Variants in ZMAT4 observed in about 807,000 individuals in gnomAD.
ZMAT4 encodes the protein zinc finger matrin-type protein 4.
Under a neutral mutation model 28.7 loss-of-function variants are expected in ZMAT4, and 17 were observed. The ratio of observed to expected loss-of-function variants is 0.59; its 90% CI spans 0.41 to 0.89. The LOEUF is 0.89. Among genes scored for constraint, ZMAT4 ranks in the 40% least tolerant of loss-of-function variants. The pLI is 0.00. For synonymous variants in ZMAT4, 117 were observed against 109.2 expected (o/e 1.07, Z -0.44); for missense variants, 240 against 283.8 (o/e 0.85, Z 1.11).
chr8:40,757,721 G>T (rs1474706876), intron 3 of ZMAT4, among the ~76,000 whole-genome samples: 1 of 152,076 alleles, frequency 6.6e-6, no homozygotes, highest in African/African-American at 2.4e-5. Context: ...TACCTCTTGC[G>T]ATGGTTAATA....
intron 5 of ZMAT4, among the ~76,000 whole-genome samples, chr8:40,616,123 G>A (rs1298058199): frequency 3.3e-5 from 5 of 152,288 alleles, no homozygotes; most frequent in African/African-American, 1.2e-4. Context: ...GCAGTCAACA[G>A]ACGCATGAAA....
At chr8:40,553,935 T>A (rs1803443756) in intron 6 of ZMAT4, among the ~76,000 whole-genome samples, 1 of 152,198 alleles carries the variant, frequency 6.6e-6, no homozygotes, top group African/African-American at 2.4e-5. Flanking sequence ...CAGCTCTTGA[T>A]AACATCAGTT....
At chr8:40,798,876 A>G (rs1451809310) in intron 2 of ZMAT4, among the ~76,000 whole-genome samples, 1 of 151,042 alleles carries the variant, frequency 6.6e-6, no homozygotes, top group Non-Finnish European at 1.5e-5. Context: ...CTCTACTCCA[A>G]GTTTTTGAAC....
At chr8:40,890,823 T>A (rs1388666932) in intron 1 of ZMAT4, among the ~76,000 whole-genome samples, 1 of 151,962 alleles carries the variant, frequency 6.6e-6, no homozygotes, top group Admixed American at 6.5e-5. Flanking sequence ...AATCATGCGC[T>A]GGATGGAGTT....
At chr8:40,843,755 TGC>T (rs1480770944) in intron 1 of ZMAT4, among the ~76,000 whole-genome samples, 1 of 152,184 alleles carries the variant, frequency 6.6e-6, no homozygotes, top group East Asian at 1.9e-4. Flanking sequence ...GCAGAATGTG[TGC>T]ATGCAAGTCA....
chr8:40,726,839 G>A (rs1811334189), intron 3 of ZMAT4, among the ~76,000 whole-genome samples: 2 of 152,246 alleles, frequency 1.3e-5, no homozygotes, highest in Admixed American at 1.3e-4. Context: ...GAAGAACTTT[G>A]CCAACTCTCT....
intron 6 of ZMAT4, among the ~76,000 whole-genome samples, chr8:40,561,376 T>C (rs992847689): frequency 6.6e-6 from 1 of 152,106 alleles, no homozygotes; most frequent in African/African-American, 2.4e-5. Flanking sequence ...CTGCACAGCG[T>C]TTCTTATAAT....
In ZMAT4 at chr8:40,825,616, CA is replaced by C; in HGVS notation, c.60del (p.Ser20ArgfsTer4). The C allele has an allele frequency of 6.4e-7, 1 of 1,554,958 alleles. No individual in the cohort carries two copies. The highest frequency in any genetic ancestry group is 2.4e-5 in the East Asian group (1 of 41,782). On this transcript the variant is annotated frameshift_variant, in exon 2 of 7. Transcript: ENST00000297737. LOFTEE classifies it high-confidence loss of function. The stretch of plus-strand genomic sequence containing the variant: ...CGCTGCGATTCGGAGATCAGCTGTG[CA>C]CTGCACACCTTGCAGTAACTGTCTG... The part of the protein sequence containing the change: ...LFTDSYCKVC[S>X]AQLISESQRV...
intron 1 of ZMAT4, among the ~76,000 whole-genome samples, chr8:40,855,249 T>C (rs1185810694): frequency 6.6e-6 from 1 of 152,182 alleles, no homozygotes. Flanking sequence ...GCTGTGGTTT[T>C]ACCCTGCAGA....
chr8:40,647,538 A>C (rs1807391902), intron 5 of ZMAT4, among the ~76,000 whole-genome samples: 1 of 152,156 alleles, frequency 6.6e-6, no homozygotes, highest in Non-Finnish European at 1.5e-5. Flanking sequence ...TAGGTAAACA[A>C]AGCAGCTGGG....
At chr8:40,639,840 G>A (rs2118757538) in intron 5 of ZMAT4, among the ~76,000 whole-genome samples, 1 of 151,754 alleles carries the variant, frequency 6.6e-6, no homozygotes, top group East Asian at 1.9e-4. Flanking sequence ...ATTATACAGT[G>A]GAAAGATCTA....
At chr8:40,804,180 C>A (rs939740087) in intron 2 of ZMAT4, among the ~76,000 whole-genome samples, 2 of 152,068 alleles carry the variant, frequency 1.3e-5, no homozygotes, top group Non-Finnish European at 2.9e-5. Flanking sequence ...TACATTTGTC[C>A]AAACCCATAG....
chr8:40,547,023 C>T (rs1309230864), intron 6 of ZMAT4, among the ~76,000 whole-genome samples: 1 of 152,162 alleles, frequency 6.6e-6, no homozygotes, highest in Non-Finnish European at 1.5e-5. Flanking sequence ...TAAAGAGTGA[C>T]ATTTCTTAAG....
At chr8:40,881,141 G>T (rs951470064) in intron 1 of ZMAT4, among the ~76,000 whole-genome samples, 5 of 152,106 alleles carry the variant, frequency 3.3e-5, no homozygotes, top group African/African-American at 4.8e-5. Context: ...GCTTTGAGAG[G>T]CCGAACTGGG....
intron 4 of ZMAT4, among the ~76,000 whole-genome samples, chr8:40,686,807 C>T (rs1176778936): frequency 1.3e-5 from 2 of 152,080 alleles, no homozygotes; most frequent in African/African-American, 4.8e-5. Context: ...GCCAGTGGTT[C>T]AATTTCACAA....
chr8:40,641,700 T>TA, intron 5 of ZMAT4, among the ~76,000 whole-genome samples: 1 of 152,220 alleles, frequency 6.6e-6, no homozygotes, highest in East Asian at 1.9e-4. Flanking sequence ...TTAATTGTGA[T>TA]AAAAGCACTT....
chr8:40,687,251 G>A (rs543257729), intron 4 of ZMAT4, among the ~76,000 whole-genome samples: 1 of 152,302 alleles, frequency 6.6e-6, no homozygotes, highest in South Asian at 2.1e-4. Context: ...GAAGGTGACA[G>A]AATTTGGGCT....
At chr8:40,556,349 T>C (rs1419452494) in intron 6 of ZMAT4, among the ~76,000 whole-genome samples, 3 of 152,214 alleles carry the variant, frequency 2.0e-5, no homozygotes, top group Non-Finnish European at 4.4e-5. Context: ...ATTCAACTCA[T>C]GATTTTTCTC....
At chr8:40,532,266 A>AC (rs761139933) in intron 6 of ZMAT4, 28 bp from the exon 7 acceptor site, 141 of 1,567,012 alleles carry the variant, frequency 9.0e-5, no homozygotes, top group South Asian at 1.3e-4. Context: ...ACACAGTGTT[A>AC]CCTTCTTTCA....
Sources: allele counts gnomAD v4.1 joint callset (sites outside exome capture counted in the v4.1 genomes callset), GRCh38; gene constraint gnomAD v4.1.1; transcripts MANE v1.5; gene names NCBI Gene and HGNC (gene_info 2026-07-23, HGNC 2026-07-21).